The following NAV1 variants were observed in gnomAD, a reference collection of about 807,000 sequenced individuals.
The protein encoded by NAV1 is pore membrane and/or filament interacting like protein 3.
Under a neutral mutation model 175.2 loss-of-function variants are expected in NAV1, and 18 were observed. The ratio of observed to expected loss-of-function variants is 0.10; its 90% confidence interval spans 0.07 to 0.15. The LOEUF is 0.15. Ranked by LOEUF, NAV1 falls within the 10% of genes least tolerant of loss-of-function variation. NAV1 has a pLI of 1.00. For missense variants in NAV1, 1,731 were observed against 2,436.6 expected, an observed-to-expected ratio of 0.71 and a Z score of 6.10; for synonymous variants, 897 against 978.7, an observed-to-expected ratio of 0.92 and a Z score of 1.56.
chr1:201,804,775 C>T lies in NAV1; in HGVS notation c.3648+278C>T, dbSNP rs1411826890. ...TATTCCCTACTATCTTCCCCTGTTA[C>T]AAAATTGGCCTGTTATAAAAAGCAG... On this transcript the variant is annotated intron_variant, in intron 17 of 29. Transcript: ENST00000367296. Among the ~76,000 whole-genome samples, 9 of 152,232 alleles carry T rather than the reference C, an allele frequency of 5.9e-5. No homozygotes were observed. The South Asian group carries it at 1.9e-3, about 32-fold the overall frequency.
Position 201,723,735 on chromosome 1 carries a change from C to G in NAV1, c.1226+4980C>G, listed in dbSNP as rs1176772636. On this transcript the variant is annotated intron_variant, in intron 3 of 29. Transcript: ENST00000367296. ...TATCCCTGACAGACAGTCTTTCATC[C>G]TTGGCTTGCATAGGCACAGTGATGG... is the stretch of plus-strand genomic sequence containing the variant. The G allele has an allele frequency of 2.0e-5, 3 of 152,216 alleles. No homozygotes were observed. In the East Asian group the frequency reaches 5.8e-4, roughly 29 times the overall value. 9.4% of individuals were successfully genotyped at this position (152,216 alleles called of 1,614,324 possible).
At position 201,807,592 on chromosome 1, in the gene NAV1, A is replaced by C. The variant is rs1387093061; in HGVS notation, c.3649-361A>C. 2.0e-5 allele frequency among the ~76,000 whole-genome samples: 3 copies of C among 152,344 alleles called. No homozygotes were observed. The highest frequency in any genetic ancestry group is 3.9e-4 in the East Asian group (2 of 5,184). ...AGGGGCACAATTCCCCCTATGAGCA[A>C]GAGAACACCCAGGAAGTTCCCATAG... On this transcript the variant is annotated intron_variant, in intron 17 of 29. Transcript: ENST00000367296. This position sits in a 1 kb window ranked among gnomAD's most constrained non-coding sequence, Gnocchi z 5.4.
At chr1:201,600,548 T>C (rs1395484055) in intron 2 of NAV1, among the ~76,000 whole-genome samples, 1 of 152,232 alleles carries the variant, frequency 6.6e-6, no homozygotes, top group African/African-American at 2.4e-5. Context: ...ACCGTGGTTA[T>C]GTAAATTCTA....
At chr1:201,758,710 A>G (rs1674657178) in intron 3 of NAV1, among the ~76,000 whole-genome samples, 1 of 152,260 alleles carries the variant, frequency 6.6e-6, no homozygotes, top group Non-Finnish European at 1.5e-5. Flanking sequence ...AAGCTGCCAA[A>G]TAATGCACTG....
rs1678781231 is a variant in NAV1 at position 201,812,883 on chromosome 1, T to G, written c.5221+222T>G. Among the ~76,000 whole-genome samples the G allele has an allele frequency of 1.3e-5, 2 of 152,070 alleles. No homozygotes were observed. Among genetic ancestry groups the G allele is most frequent in the Admixed American group, 1.3e-4 (2 of 15,266 alleles). On this transcript the variant is annotated intron_variant, in intron 27 of 29. Coordinates refer to ENST00000367296, the Ensembl canonical transcript of NAV1. The surrounding 1 kb of genome is among the most constrained non-coding windows in gnomAD (Gnocchi z 4.6). ...CCTCTCCTTGTTTTTTTCCCACAAT[T>G]AACAGAAAAAAGGAGGCACATATGT...
chr1:201,809,132 TA>T lies in NAV1; in HGVS notation c.4208-28del, dbSNP rs1447513531. The T allele has an allele frequency of 2.5e-6, 4 of 1,604,538 alleles. No homozygotes were observed. The Admixed American group carries it at 6.7e-5, about 27-fold the overall frequency. ...GTTTAGGAAAGGCTGCGGGTACTCC[TA>T]AAACCAGTTGGTTCTTTTCAATCCC... is the stretch of plus-strand genomic sequence containing the variant. On this transcript the variant is annotated intron_variant, in intron 20 of 29. Transcript: ENST00000367296.
intron 1 of NAV1, among the ~76,000 whole-genome samples, chr1:201,677,443 A>G (rs1011274944): frequency 6.6e-6 from 1 of 152,022 alleles, no homozygotes; most frequent in Non-Finnish European, 1.5e-5. Flanking sequence ...CAAGGCCAGC[A>G]GCCTCTGCCC....
chr1:201,593,421 C>T (rs559777492), intron 2 of NAV1, among the ~76,000 whole-genome samples: 32 of 152,342 alleles, frequency 2.1e-4, no homozygotes, highest in African/African-American at 4.8e-4. Flanking sequence ...ACCTGGGACT[C>T]TCTAACATCT....
intron 1 of NAV1, among the ~76,000 whole-genome samples, chr1:201,573,661 A>T (rs1462824298): frequency 6.6e-6 from 1 of 152,234 alleles, no homozygotes; most frequent in Admixed American, 6.5e-5. Context: ...GTGATGATTA[A>T]GAGAGCTAAT....
chr1:201,644,128 C>T (rs1668897735), upstream of NAV1, among the ~76,000 whole-genome samples: 1 of 152,174 alleles, frequency 6.6e-6, no homozygotes, highest in Non-Finnish European at 1.5e-5. Context: ...TTACTGACTT[C>T]ACCAGCACCC....
At chr1:201,742,200 TC>T (rs1673469481) in intron 3 of NAV1, among the ~76,000 whole-genome samples, 1 of 152,158 alleles carries the variant, frequency 6.6e-6, no homozygotes, top group East Asian at 1.9e-4. Flanking sequence ...TGGGGAGGGC[TC>T]AAAACTTTCC....
At chr1:201,815,899 C>T (rs538659347) in intron 28 of NAV1, among the ~76,000 whole-genome samples, 76 of 152,074 alleles carry the variant, frequency 5.0e-4, no homozygotes, top group Non-Finnish European at 8.7e-4. Flanking sequence ...TCACCACGCC[C>T]GGCTAATTTT....
chr1:201,624,256 G>T (rs1207777329), intron 1 of NAV1, among the ~76,000 whole-genome samples: 1 of 151,918 alleles, frequency 6.6e-6, no homozygotes, highest in Non-Finnish European at 1.5e-5. Flanking sequence ...ACAACAAGAT[G>T]GCCAACAAGC....
intron 3 of NAV1, among the ~76,000 whole-genome samples, chr1:201,736,192 G>A (rs1444378204): frequency 6.6e-6 from 1 of 152,164 alleles, no homozygotes; most frequent in African/African-American, 2.4e-5. Context: ...TGATGGGAAC[G>A]AGAAGACATG....
intron 2 of NAV1, among the ~76,000 whole-genome samples, chr1:201,611,629 T>C (rs1397361067): frequency 6.6e-6 from 1 of 152,196 alleles, no homozygotes; most frequent in Non-Finnish European, 1.5e-5. Flanking sequence ...GTGATTTGCC[T>C]TTATACCCTC....
At chr1:201,636,002 TA>T (rs1311234886) in intron 2 of NAV1, among the ~76,000 whole-genome samples, 1 of 152,238 alleles carries the variant, frequency 6.6e-6, no homozygotes, top group African/African-American at 2.4e-5. Flanking sequence ...AACTATTTGC[TA>T]AACTTCCACC....
At chr1:201,715,317 C>T (rs1470696675) in intron 2 of NAV1, among the ~76,000 whole-genome samples, 1 of 151,922 alleles carries the variant, frequency 6.6e-6, no homozygotes, top group African/African-American at 2.4e-5. Context: ...CGTGCCACCA[C>T]ACCGGCTAAT....
At chr1:201,755,407 TGA>T (rs1403009020) in intron 3 of NAV1, among the ~76,000 whole-genome samples, 1 of 151,192 alleles carries the variant, frequency 6.6e-6, no homozygotes, top group African/African-American at 2.4e-5. Flanking sequence ...GGCAACAGAG[TGA>T]GACTCTTGTC....
chr1:201,651,092 G>T (rs1047300647), intron 1 of NAV1, among the ~76,000 whole-genome samples: 1 of 146,296 alleles, frequency 6.8e-6, no homozygotes, highest in African/African-American at 2.5e-5. Context: ...CCTGCTGAGG[G>T]ACTGAAAGCA....
Sources: gnomAD v4.1 joint callset for allele counts (sites outside exome capture counted in the v4.1 genomes callset) on GRCh38, gnomAD v4.1.1 for gene constraint, Gnocchi (gnomAD v3.1) non-coding constraint, MANE v1.5 for transcripts, NCBI Gene and HGNC (gene_info 2026-07-23, HGNC 2026-07-21) for gene names.